The following CALCOCO2 variants were observed in gnomAD, a reference collection of about 807,000 sequenced individuals.
CALCOCO2 encodes the protein calcium binding and coiled-coil domain 2, also known as calcium-binding and coiled-coil domain-containing protein 2.
Under a neutral mutation model 62.5 loss-of-function variants are expected in CALCOCO2, and 42 were observed. The observed-to-expected ratio is 0.67, with a 90% CI of 0.53 to 0.87. CALCOCO2 has a LOEUF of 0.87. Ranked by LOEUF, CALCOCO2 falls within the 40% of genes least tolerant of loss-of-function variation. The pLI is 0.00. For synonymous variants in CALCOCO2, 167 were observed against 173.0 expected (o/e 0.97, Z 0.27); for missense variants, 456 against 515.0 (o/e 0.89, Z 1.11).
At chr17:48,841,150 A>G (rs926672769) in intron 1 of CALCOCO2, among the ~76,000 whole-genome samples, 15 of 152,224 alleles carry the variant, frequency 9.9e-5, no homozygotes, top group African/African-American at 3.6e-4. Flanking sequence ...TTTGAACGCC[A>G]CCATTCTAAT....
At chr17:48,854,045 G>A (rs1473746213) in intron 9 of CALCOCO2, among the ~76,000 whole-genome samples, 1 of 152,080 alleles carries the variant, frequency 6.6e-6, no homozygotes, top group Non-Finnish European at 1.5e-5. Context: ...GCTGGGTGCG[G>A]TGGCTCGCGC....
intron 1 of CALCOCO2, among the ~76,000 whole-genome samples, chr17:48,839,670 C>CTTTTTTTTTTTT (rs766846336): frequency 6.0e-5 from 4 of 66,170 alleles, no homozygotes; most frequent in African/African-American, 1.3e-4. Context: ...CTTTGCTTTG[C>CTTTTTTTTTTTT]TTTTTTTTTT....
Position 48,849,306 on chromosome 17 carries a change from G to A in CALCOCO2, c.472G>A (p.Glu158Lys). The change falls in exon 5 of 13, where the codon GAG becomes AAG. Residue 158 changes from glutamate to lysine, a missense_variant. Physicochemically the swap from Glu to Lys is moderately conservative, Grantham distance 56. This residue lies in a region of CALCOCO2 where 236 missense variants were observed against 225.3 expected (regional missense o/e 1.05). Coordinates refer to ENST00000258947, the MANE Select transcript of CALCOCO2 (RefSeq NM_005831.5). The part of the protein sequence containing the change: ...HNKELCKENQ[E>K]LKDSCISLQK... Reference sequence around the variant, plus strand: ...CAAGGAGCTTTGCAAAGAAAACCAGGAGCTGAAGGACAGCTGTATCAGCCT... The same window carrying A: ...CAAGGAGCTTTGCAAAGAAAACCAGAAGCTGAAGGACAGCTGTATCAGCCT... 1 of 1,613,406 alleles carries A rather than the reference G, an allele frequency of 6.2e-7. No homozygotes were observed. The highest frequency in any genetic ancestry group is 1.3e-5 in the African/African-American group (1 of 75,002).
At chr17:48,862,217 G>C in intron 11 of CALCOCO2, 59 bp from the exon 12 acceptor site, 1 of 1,103,660 alleles carries the variant, frequency 9.1e-7, no homozygotes, top group Admixed American at 1.7e-5. Flanking sequence ...CCAGAACACA[G>C]TTGGAGAAGC....
At chr17:48,841,434 C>G (rs1598027788) in intron 1 of CALCOCO2, 1 of 289,100 alleles carries the variant, frequency 3.5e-6, no homozygotes, top group Non-Finnish European at 6.5e-6. Flanking sequence ...ACTAAAGTAG[C>G]TATAAGCCTC....
chr17:48,854,061 A>G (rs2040169887), intron 9 of CALCOCO2, among the ~76,000 whole-genome samples: 1 of 151,968 alleles, frequency 6.6e-6, no homozygotes, highest in Non-Finnish European at 1.5e-5. Context: ...CGCGCCTGTA[A>G]TCCCAGCACT....
intron 10 of CALCOCO2, among the ~76,000 whole-genome samples, chr17:48,858,768 C>T (rs576632408): frequency 6.6e-6 from 1 of 151,718 alleles, no homozygotes; most frequent in Admixed American, 6.6e-5. Flanking sequence ...TTGTTAAGAA[C>T]TGTAGGCCGG....
rs1231375733 is a variant in CALCOCO2 at position 48,852,956 on chromosome 17, G to A, written c.856G>A (p.Val286Met). ...RKDQKKLEQT[V>M]EQMKQNETTA... The stretch of plus-strand genomic sequence containing the variant: ...GGACCAGAAGAAGCTCGAGCAGACA[G>A]TGGAGCAAATGAAGCAGAATGAAAC... The change falls in exon 9 of 13, where the codon GTG becomes ATG. Residue 286 changes from valine (V) to methionine (M), a missense_variant. This residue lies in a region of CALCOCO2 where 172 missense variants were observed against 210.3 expected (regional missense o/e 0.82). Coordinates refer to ENST00000258947, the MANE Select transcript of CALCOCO2 (RefSeq NM_005831.5). The A allele has an allele frequency of 6.2e-7, 1 of 1,613,840 alleles. No individual in the cohort carries two copies. Among genetic ancestry groups the A allele is most frequent in the Admixed American group, 1.7e-5 (1 of 60,006 alleles).
At chr17:48,836,787 A>T in intron 1 of CALCOCO2, among the ~76,000 whole-genome samples, 1 of 128,460 alleles carries the variant, frequency 7.8e-6, no homozygotes, top group African/African-American at 3.0e-5. Flanking sequence ...TTGGAGATAG[A>T]GTTTTGCTCT....
At chr17:48,848,675 G>C (rs1437365515) in intron 4 of CALCOCO2, 1 of 608,588 alleles carries the variant, frequency 1.6e-6, no homozygotes, top group Non-Finnish European at 2.9e-6. Context: ...CTTTAACTCA[G>C]CTGGCATTCA....
chr17:48,851,579 AGAT>A lies in CALCOCO2; in HGVS notation c.655_657del (p.Met219del), dbSNP rs1567755785. On this transcript the variant is annotated inframe_deletion, in exon 7 of 13. Transcript: ENST00000258947. ...TACAGACTGAAAGAACAAAACCAGA[AGAT>A]GTCCTCAGAAAATGAGAAGATGGGA... 4 of 1,601,226 alleles carry A rather than the reference AGAT, an allele frequency of 2.5e-6. No homozygotes were observed. The African/African-American group carries it at 5.4e-5, about 21-fold the overall frequency.
chr17:48,851,632 G>A lies in CALCOCO2; in HGVS notation c.702+4G>A. On this transcript the variant is annotated splice_donor_region_variant and intron_variant, in intron 7 of 12. Transcript: ENST00000258947. ...AATCAGAGTGGATCAGCTTCAGGTA[G>A]GTAATGCCATATGTTTGTCAAAGGA... 6.5e-7 allele frequency: 1 copy of A among 1,532,814 alleles called. No individual in the cohort carries two copies. Among genetic ancestry groups the A allele is most frequent in the Non-Finnish European group, 9.0e-7 (1 of 1,105,658 alleles). The allele number at this position is 1,532,814 out of a possible 1,614,324, so 95.0% of individuals were successfully genotyped here.
Position 48,851,093 on chromosome 17 carries a change from A to T in CALCOCO2, c.548A>T (p.Glu183Val). ...TGATGTTGTTTCAATCTATAGGAGG[A>T]GCTAGAAACCCTACAGAGCATCAAT... ...MQAELQKKQE[E>V]LETLQSINKK... Residue 183 changes from glutamate (E) to valine (V), a missense_variant, in exon 6 of 13, where the codon GAG becomes GTG. This residue lies in a region of CALCOCO2 where 236 missense variants were observed against 225.3 expected (regional missense o/e 1.05). Transcript: ENST00000258947. 1 of 1,581,098 alleles carries T rather than the reference A, an allele frequency of 6.3e-7. No individual in the cohort carries two copies.
Position 48,840,015 on chromosome 17 carries a change from T to C in CALCOCO2, c.-10-1683T>C, listed in dbSNP as rs556117846. Among the ~76,000 whole-genome samples the C allele has an allele frequency of 2.7e-4, 41 of 152,122 alleles. No individual in the cohort carries two copies. The South Asian group carries it at 8.3e-3, about 31-fold the overall frequency. ...TTTTAATAGAGACAGTCTCACTATA[T>C]TGCCCAGGCTGGACTTGAACTCCTG... On this transcript the variant is annotated intron_variant, in intron 1 of 12. Transcript: ENST00000258947.
At position 48,862,908 on chromosome 17, in the gene CALCOCO2, T is replaced by G. The variant is rs2040348065; in HGVS notation, c.1244T>G (p.Met415Arg). The G allele has an allele frequency of 6.2e-7, 1 of 1,613,868 alleles. No homozygotes were observed. Among genetic ancestry groups the G allele is most frequent in the Non-Finnish European group, 8.5e-7 (1 of 1,179,694 alleles). ...GATCACACCTTGGAGCAACAGCAGA[T>G]GCAGCCCCTTTGTTTCAATTGTCCA... is the stretch of plus-strand genomic sequence containing the variant. ...ICDHTLEQQQ[M>R]QPLCFNCPIC... The change falls in exon 13 of 13, where the codon ATG becomes AGG. Residue 415 changes from methionine (M) to arginine (R), a missense_variant. Physicochemically the swap from Met to Arg is moderately conservative, Grantham distance 91. Transcript: ENST00000258947.
rs536302201 is a variant in CALCOCO2 at position 48,850,072 on chromosome 17, A to G, written c.543+695A>G. Among the ~76,000 whole-genome samples, 7 of 151,716 alleles carry G rather than the reference A, an allele frequency of 4.6e-5. No homozygotes were observed. The East Asian group carries it at 1.4e-3, about 30-fold the overall frequency. ...TCTCAGCACTTTGGGAGGCCGAGGC[A>G]GGTGGATCACAAGGTCAGGAGTTTG... On this transcript the variant is annotated intron_variant, in intron 5 of 12. Coordinates refer to ENST00000258947, the MANE Select transcript of CALCOCO2 (RefSeq NM_005831.5).
chr17:48,838,237 A>G (rs1411258601), intron 1 of CALCOCO2, among the ~76,000 whole-genome samples: 2 of 152,056 alleles, frequency 1.3e-5, no homozygotes, highest in Non-Finnish European at 2.9e-5. Context: ...ACAAAACAGG[A>G]TAGGGATTTT....
intron 4 of CALCOCO2, 37 bp downstream of exon 4, chr17:48,848,492 T>C (rs1386023450): frequency 6.3e-7 from 1 of 1,588,624 alleles, no homozygotes; most frequent in Non-Finnish European, 8.6e-7. Context: ...CTTACTGCCA[T>C]TACGGGTAGC....
At chr17:48,858,046 A>ATAGAATAGAATAGAATAGAATATAG in intron 10 of CALCOCO2, among the ~76,000 whole-genome samples, 1 of 40,038 alleles carries the variant, frequency 2.5e-5, no homozygotes, top group Non-Finnish European at 4.9e-5. Context: ...ATAGAATAGA[A>ATAGAATAGAATAGAATAGAATATAG]AATAGAATAG....
Sources: gnomAD v4.1 joint callset for allele counts (sites outside exome capture counted in the v4.1 genomes callset) on GRCh38, gnomAD v4.1.1 for gene constraint, gnomAD v4.1.1 regional missense constraint, MANE v1.5 for transcripts, NCBI Gene and HGNC (gene_info 2026-07-23, HGNC 2026-07-21) for gene names.